LARGE1: variants seen among roughly 807,000 people sequenced by gnomAD.
LARGE1 encodes the protein LARGE xylosyl- and glucuronyltransferase 1.
In LARGE1, 43 loss-of-function variants were observed where a neutral mutation model predicts 87.6. That is an observed-to-expected ratio of 0.49 (90% CI 0.38 to 0.63). The LOEUF (loss-of-function observed/expected upper bound fraction) is 0.63, where lower values mean the gene tolerates loss of function less well. LARGE1 is among the 30% of genes least tolerant of loss of function. LARGE1 has a pLI of 0.00. For synonymous variants in LARGE1, 434 were observed against 394.6 expected, an observed-to-expected ratio of 1.10 and a Z score of -1.18; for missense variants, 802 against 1,000.2, an observed-to-expected ratio of 0.80 and a Z score of 2.67.
Position 33,416,906 on chromosome 22 carries a change from CTTTT to C in LARGE1, c.892+15251_892+15254del, listed in dbSNP as rs35018256. Among the ~76,000 whole-genome samples the C allele has an allele frequency of 2.3e-4, 21 of 90,148 alleles. 1 individual carries two copies. The highest frequency in any genetic ancestry group is 8.8e-4 in the Admixed American group (7 of 7,932). 59.1% of individuals were successfully genotyped at this position (90,148 alleles called of 152,430 possible). A position where few individuals can be genotyped will look rare whatever the true frequency, so the allele number is the denominator to read the frequency against. On this transcript the variant is annotated intron_variant, in intron 7 of 14. Transcript: ENST00000397394. Reference sequence around the variant, plus strand: ...ACAGGTGTGAGGCACCACGCCCGGACTTTTTTTTTTTTTTTTTTTGAGACAGAGT... The same window carrying C: ...ACAGGTGTGAGGCACCACGCCCGGACTTTTTTTTTTTTTTTGAGACAGAGT...
intron 2 of LARGE1, among the ~76,000 whole-genome samples, chr22:33,760,621 C>A (rs954776575): frequency 5.9e-5 from 9 of 152,126 alleles, no homozygotes; most frequent in Non-Finnish European, 7.4e-5. Context: ...GTGCAGGCAT[C>A]CAATAATAAC....
intron 1 of LARGE1, among the ~76,000 whole-genome samples, chr22:33,902,505 A>G (rs2065311795): frequency 6.6e-6 from 1 of 152,196 alleles, no homozygotes; most frequent in Admixed American, 6.5e-5. Flanking sequence ...CTCACTATCC[A>G]ACCCCAAGCA....
At chr22:33,905,598 A>G (rs2065422194) in intron 1 of LARGE1, among the ~76,000 whole-genome samples, 1 of 152,218 alleles carries the variant, frequency 6.6e-6, no homozygotes, top group African/African-American at 2.4e-5. Context: ...AGAACTGAAA[A>G]TGTTATATTA....
At chr22:33,640,079 C>T (rs886362928) in intron 3 of LARGE1, among the ~76,000 whole-genome samples, 3 of 152,212 alleles carry the variant, frequency 2.0e-5, no homozygotes, top group Non-Finnish European at 4.4e-5. Context: ...TTACGTGGCC[C>T]TGCACCGTGA....
the LARGE1 span, among the ~76,000 whole-genome samples, chr22:33,117,408 T>C: frequency 6.7e-6 from 1 of 150,368 alleles, no homozygotes; most frequent in Non-Finnish European, 1.5e-5. Context: ...GTCATAGATA[T>C]TGTAAGCACT....
intron 7 of LARGE1, among the ~76,000 whole-genome samples, chr22:33,420,261 G>A (rs2066644588): frequency 6.6e-6 from 1 of 152,182 alleles, no homozygotes; most frequent in Non-Finnish European, 1.5e-5. Context: ...ATGATTCCAG[G>A]TATGGGGGAT....
At chr22:33,227,452 C>T (rs1568981112) in intron 11 of LARGE1, among the ~76,000 whole-genome samples, 2 of 152,182 alleles carry the variant, frequency 1.3e-5, no homozygotes, top group Non-Finnish European at 2.9e-5. Flanking sequence ...ATGGAACTGC[C>T]TACCCTAGTT....
chr22:33,580,664 AAC>A (rs1215249410), intron 5 of LARGE1, among the ~76,000 whole-genome samples: 21 of 152,208 alleles, frequency 1.4e-4, no homozygotes, highest in Admixed American at 5.2e-4. Flanking sequence ...ATGTAAGGGC[AAC>A]ACACACACTC....
At chr22:33,724,511 A>G (rs1226757963) in intron 2 of LARGE1, among the ~76,000 whole-genome samples, 1 of 152,204 alleles carries the variant, frequency 6.6e-6, no homozygotes, top group Non-Finnish European at 1.5e-5. Flanking sequence ...ATGCTCCAGT[A>G]GGCTCATTAC....
intron 11 of LARGE1, among the ~76,000 whole-genome samples, chr22:33,265,043 G>A (rs1927857013): frequency 6.6e-6 from 1 of 151,782 alleles, no homozygotes; most frequent in Non-Finnish European, 1.5e-5. Flanking sequence ...TGGGATTACA[G>A]GCATGTGCCA....
At chr22:33,849,597 T>C (rs2063528972) in intron 1 of LARGE1, among the ~76,000 whole-genome samples, 2 of 60,412 alleles carry the variant, frequency 3.3e-5, no homozygotes, top group Admixed American at 2.7e-4. Context: ...CTTCTCTTTT[T>C]TTTTTTTTTT....
intron 7 of LARGE1, among the ~76,000 whole-genome samples, chr22:33,396,956 G>A (rs1375598311): frequency 2.6e-5 from 4 of 152,110 alleles, no homozygotes; most frequent in South Asian, 2.1e-4. Context: ...TATTAGAGTG[G>A]AATGTACATT....
chr22:33,792,518 G>A (rs1223518354), intron 1 of LARGE1, among the ~76,000 whole-genome samples: 1 of 152,120 alleles, frequency 6.6e-6, no homozygotes, highest in Non-Finnish European at 1.5e-5. Flanking sequence ...AGCAGCATGA[G>A]AATGAACTAA....
intron 7 of LARGE1, among the ~76,000 whole-genome samples, chr22:33,391,493 T>C (rs2065520329): frequency 6.6e-6 from 1 of 152,094 alleles, no homozygotes. Flanking sequence ...AAAAAGGTTA[T>C]ATAAGTGAGA....
At chr22:33,425,131 G>C (rs752432533) in intron 7 of LARGE1, among the ~76,000 whole-genome samples, 1 of 152,028 alleles carries the variant, frequency 6.6e-6, no homozygotes, top group South Asian at 2.1e-4. Flanking sequence ...GTGTGGTGGC[G>C]TGTGCCTGTA....
At chr22:33,372,207 T>C (rs1047736270) in intron 9 of LARGE1, among the ~76,000 whole-genome samples, 1 of 152,266 alleles carries the variant, frequency 6.6e-6, no homozygotes, top group Non-Finnish European at 1.5e-5. Context: ...TTTGAGTCTA[T>C]TAAAACATGC....
intron 12 of LARGE1, among the ~76,000 whole-genome samples, chr22:33,286,225 C>T (rs1293764126): frequency 1.3e-5 from 2 of 152,184 alleles, no homozygotes; most frequent in Admixed American, 6.5e-5. Context: ...ATCCAAGATT[C>T]CCTCCTCTGT....
At chr22:33,588,648 T>C (rs2078748844) in intron 5 of LARGE1, among the ~76,000 whole-genome samples, 1 of 152,118 alleles carries the variant, frequency 6.6e-6, no homozygotes, top group Non-Finnish European at 1.5e-5. Context: ...CAGTATTGCT[T>C]TGAGGGGAAT....
rs1556032157 is a variant in LARGE1 at position 33,761,572 on chromosome 22, CAA to C, written c.-82-16_-82-15del. On this transcript the variant is annotated splice_polypyrimidine_tract_variant and intron_variant, in intron 1 of 14. Coordinates refer to ENST00000397394, the MANE Select transcript of LARGE1 (RefSeq NM_133642.5). ...TCATAATACTCTCTGAAAGGAAGAG[CAA>C]AGAGGAAGGCCTGAGTTCTTAGCAC... 1.0e-6 allele frequency: 1 copy of C among 959,768 alleles called. No homozygotes were observed. The highest frequency in any genetic ancestry group is 1.7e-6 in the Non-Finnish European group (1 of 596,462). 59.5% of individuals were successfully genotyped at this position (959,768 alleles called of 1,614,324 possible).
Sources: allele counts gnomAD v4.1 joint callset (sites outside exome capture counted in the v4.1 genomes callset), GRCh38; gene constraint gnomAD v4.1.1; transcripts MANE v1.5; gene names NCBI Gene and HGNC (gene_info 2026-07-23, HGNC 2026-07-21).